Variants in MAST2 observed in about 807,000 individuals in gnomAD.
The protein encoded by MAST2 is microtubule associated serine/threonine kinase 2.
In MAST2, 70 loss-of-function variants were observed where a neutral mutation model predicts 147.4. The observed-to-expected ratio is 0.47, with a 90% confidence interval of 0.39 to 0.58. The LOEUF (loss-of-function observed/expected upper bound fraction) is 0.58. Ranked by LOEUF, MAST2 falls within the 20% of genes least tolerant of loss-of-function variation. The pLI is 0.00. For missense variants in MAST2, 2,080 were observed against 2,302.3 expected, an observed-to-expected ratio of 0.90 and a Z score of 1.98; for synonymous variants, 869 against 896.8, an observed-to-expected ratio of 0.97 and a Z score of 0.55.
chr1:45,847,612 G>T lies in MAST2; in HGVS notation c.468+18031G>T. 3 of 721,286 alleles carry T rather than the reference G, an allele frequency of 4.2e-6. No individual in the cohort carries two copies. The South Asian group carries it at 4.8e-5, about 12-fold the overall frequency. 44.7% of individuals were successfully genotyped at this position (721,286 alleles called of 1,614,324 possible). A position where few individuals can be genotyped will look rare whatever the true frequency, so the allele number is the denominator to read the frequency against. ...TTCCCTTTGGTGCTTTAGGTATAGT[G>T]ACGTCCTCGCGGCCACAGAGGAGCT... On this transcript the variant is annotated intron_variant, in intron 3 of 28. Coordinates refer to ENST00000361297, the MANE Select transcript of MAST2 (RefSeq NM_015112.3).
At chr1:45,829,609 C>T (rs1200261911) in intron 3 of MAST2, 28 bp downstream of exon 3, 1 of 1,592,996 alleles carries the variant, frequency 6.3e-7, no homozygotes, top group Non-Finnish European at 8.6e-7. Flanking sequence ...TGGCATTTTG[C>T]TCTATGAAAA....
intron 4 of MAST2, among the ~76,000 whole-genome samples, chr1:45,894,165 G>T (rs1361529067): frequency 6.6e-6 from 1 of 151,650 alleles, no homozygotes; most frequent in African/African-American, 2.4e-5. Context: ...GCAGTGAACT[G>T]AGATCATGCC....
intron 5 of MAST2, among the ~76,000 whole-genome samples, chr1:45,964,298 C>G (rs1315777858): frequency 2.0e-5 from 3 of 152,154 alleles, no homozygotes; most frequent in Non-Finnish European, 4.4e-5. Flanking sequence ...ATAGTACCAG[C>G]TCCTTCTTGT....
chr1:45,987,713 T>G lies in MAST2; in HGVS notation c.593-10011T>G, dbSNP rs11211242. Among the ~76,000 whole-genome samples, 760 of 150,970 alleles carry G rather than the reference T, an allele frequency of 5.0e-3. 5 individuals carry two copies. The highest frequency in any genetic ancestry group is 0.018 in the African/African-American group (723 of 41,174). Reference sequence around the variant, plus strand: ...TGATTACCTTTCTTCTGGGTTTCATTTGCTCCTCTTTTTTAAATTTCTTAA... The same window carrying G: ...TGATTACCTTTCTTCTGGGTTTCATGTGCTCCTCTTTTTTAAATTTCTTAA... On this transcript the variant is annotated intron_variant, in intron 5 of 28. Coordinates refer to ENST00000361297, the MANE Select transcript of MAST2 (RefSeq NM_015112.3).
At chr1:45,906,569 T>C (rs1160429102) in intron 4 of MAST2, among the ~76,000 whole-genome samples, 2 of 148,518 alleles carry the variant, frequency 1.3e-5, no homozygotes, top group African/African-American at 4.9e-5. Flanking sequence ...GTACAATGTT[T>C]ATATGTTATT....
intron 4 of MAST2, among the ~76,000 whole-genome samples, chr1:45,910,084 A>G (rs936387587): frequency 1.3e-5 from 2 of 148,174 alleles, no homozygotes; most frequent in Non-Finnish European, 3.0e-5. Context: ...AGTGATAGTA[A>G]TTGTGTAAGT....
In MAST2 at chr1:46,022,981, C is replaced by T; in HGVS notation, c.1485+10C>T. On this transcript the variant is annotated intron_variant, in intron 13 of 28. Transcript: ENST00000361297. ...AGATGATTCTATTGAGGTAAAAACC[C>T]TGAGCTCCTACCCCATTCCTGGAGC... 1 of 1,613,452 alleles carries T rather than the reference C, an allele frequency of 6.2e-7. No homozygotes were observed. Among genetic ancestry groups the T allele is most frequent in the Admixed American group, 1.7e-5 (1 of 60,004 alleles).
At position 45,882,312 on chromosome 1, in the gene MAST2, A is replaced by G. The variant is rs916092042; in HGVS notation, c.469-52A>G. ...TTTCCTAGGACATTTAGGTAGACCAACAGGACTCAGATGGGTTCTTATTTC... is the reference window on the plus strand; with the variant it reads ...TTTCCTAGGACATTTAGGTAGACCAGCAGGACTCAGATGGGTTCTTATTTC... On this transcript the variant is annotated intron_variant, in intron 3 of 28. Coordinates refer to ENST00000361297, the MANE Select transcript of MAST2 (RefSeq NM_015112.3). 38 of 1,323,438 alleles carry G rather than the reference A, an allele frequency of 2.9e-5. No individual in the cohort carries two copies. In the South Asian group the frequency reaches 3.3e-4, roughly 12 times the overall value. The allele number at this position is 1,323,438 out of a possible 1,614,324, so 82.0% of individuals were successfully genotyped here. A position where few individuals can be genotyped will look rare whatever the true frequency, so the allele number is the denominator to read the frequency against.
chr1:46,027,889 G>T, intron 17 of MAST2, 26 bp downstream of exon 17: 1 of 1,612,870 alleles, frequency 6.2e-7, no homozygotes, highest in Non-Finnish European at 8.5e-7. Flanking sequence ...TGATACACTG[G>T]GGGTTAAATT....
chr1:45,829,348 T>C, intron 2 of MAST2, 91 bp from the exon 3 acceptor site: 1 of 1,170,644 alleles, frequency 8.5e-7, no homozygotes, highest in Non-Finnish European at 1.2e-6. Flanking sequence ...ATCAGTATGG[T>C]TTTATCCACT....
At chr1:45,942,129 T>A (rs1422763990) in intron 4 of MAST2, among the ~76,000 whole-genome samples, 1 of 148,800 alleles carries the variant, frequency 6.7e-6, no homozygotes, top group African/African-American at 2.5e-5. Context: ...ACTGTCCAGC[T>A]TGATTGTAGT....
chr1:46,004,707 G>A (rs143185744), intron 7 of MAST2, among the ~76,000 whole-genome samples: 1 of 152,200 alleles, frequency 6.6e-6, no homozygotes, highest in Non-Finnish European at 1.5e-5. Context: ...AAAAAGAAAT[G>A]CTGATTTCTC....
At chr1:45,953,995 C>T (rs1255270093) in intron 4 of MAST2, among the ~76,000 whole-genome samples, 2 of 152,178 alleles carry the variant, frequency 1.3e-5, no homozygotes, top group Non-Finnish European at 2.9e-5. Context: ...AATATTATAG[C>T]ATCTGGAAGT....
chr1:45,914,047 G>A (rs1157785808), intron 4 of MAST2, among the ~76,000 whole-genome samples: 2 of 152,166 alleles, frequency 1.3e-5, no homozygotes, highest in African/African-American at 4.8e-5. Context: ...TCCTTGGCAG[G>A]GGCATATGAG....
intron 1 of MAST2, among the ~76,000 whole-genome samples, chr1:45,811,186 G>A (rs1409195780): frequency 7.4e-6 from 1 of 134,260 alleles, no homozygotes; most frequent in Admixed American, 7.5e-5. Context: ...TTTTTTTTGA[G>A]ACGAAGTCTC....
intron 1 of MAST2, among the ~76,000 whole-genome samples, chr1:45,823,899 T>A (rs1644713195): frequency 6.6e-6 from 1 of 152,198 alleles, no homozygotes; most frequent in Non-Finnish European, 1.5e-5. Context: ...GTTCTGTCAA[T>A]GTTTTGTATT....
chr1:46,001,788 T>G (rs572779649), intron 6 of MAST2, among the ~76,000 whole-genome samples: 27 of 152,280 alleles, frequency 1.8e-4, no homozygotes, highest in South Asian at 2.1e-4. Context: ...CCTTTTTGCT[T>G]CTTCTTCTCC....
At position 45,825,713 on chromosome 1, in the gene MAST2, G is replaced by A. The variant is rs80254580; in HGVS notation, c.325+1133G>A. Among the ~76,000 whole-genome samples, 27 of 151,372 alleles carry A rather than the reference G, an allele frequency of 1.8e-4. No individual in the cohort carries two copies. The East Asian group carries it at 5.0e-3, about 28-fold the overall frequency. On this transcript the variant is annotated intron_variant, in intron 2 of 28. Coordinates refer to ENST00000361297, the MANE Select transcript of MAST2 (RefSeq NM_015112.3). ...CTCCCAAAGTGCTGGGATTACATAT[G>A]GGAGGTGAGCCACCACGCCTGCCTG...
intron 3 of MAST2, among the ~76,000 whole-genome samples, chr1:45,872,082 T>C (rs905440683): frequency 6.6e-5 from 10 of 152,212 alleles, no homozygotes; most frequent in African/African-American, 2.4e-4. Context: ...CCCAATTCTC[T>C]ATCCACTTCC....
Sources: gnomAD v4.1 joint callset for allele counts (sites outside exome capture counted in the v4.1 genomes callset) on GRCh38, gnomAD v4.1.1 for gene constraint, MANE v1.5 for transcripts, NCBI Gene and HGNC (gene_info 2026-07-23, HGNC 2026-07-21) for gene names.